SERPINB12: variants seen among roughly 807,000 people sequenced by gnomAD.
The protein encoded by SERPINB12 is serpin B12.
SERPINB12 carries 57 observed loss-of-function variants against 41.1 expected under a neutral mutation model. That is an observed-to-expected ratio of 1.39 (90% CI 1.12 to 1.73). The LOEUF is 1.73. Among genes scored for constraint, SERPINB12 ranks in the 40% most tolerant of loss-of-function variants. The pLI is 0.00. For synonymous variants in SERPINB12, 180 were observed against 181.3 expected (o/e 0.99, Z 0.06); for missense variants, 536 against 501.9 (o/e 1.07, Z -0.65).
the SERPINB12 span, among the ~76,000 whole-genome samples, chr18:63,520,510 A>G: frequency 6.6e-6 from 1 of 152,312 alleles, no homozygotes; most frequent in South Asian, 2.1e-4. Context: ...ATTGTCCTTC[A>G]TGCTGGCTGA....
the SERPINB12 span, among the ~76,000 whole-genome samples, chr18:63,525,959 A>G: frequency 6.6e-6 from 1 of 152,170 alleles, no homozygotes; most frequent in African/African-American, 2.4e-5. Context: ...TTTAAGCTGG[A>G]TTTATACTTT....
At chr18:63,541,009 CA>C (rs1279963147), upstream of SERPINB12, among the ~76,000 whole-genome samples, 5 of 152,236 alleles carry the variant, frequency 3.3e-5, no homozygotes, top group East Asian at 9.6e-4. Context: ...TTTACGTTTT[CA>C]GTATTTTTAA....
chr18:63,543,188 A>G (rs1468274675), intron 1 of SERPINB12, among the ~76,000 whole-genome samples: 1 of 152,180 alleles, frequency 6.6e-6, no homozygotes, highest in Non-Finnish European at 1.5e-5. Context: ...CCTGTTACAT[A>G]TCAGGTCCTT....
rs1911179048 is a variant in SERPINB12 at position 63,568,226 on chromosome 18, C to G, written c.*1215C>G. Among the ~76,000 whole-genome samples, 2 of 152,086 alleles carry G rather than the reference C, an allele frequency of 1.3e-5. No individual in the cohort carries two copies. Among genetic ancestry groups the G allele is most frequent in the African/African-American group, 4.8e-5 (2 of 41,418 alleles). On this transcript the variant is annotated 3_prime_UTR_variant, in exon 8 of 8. Coordinates refer to ENST00000382768, the MANE Select transcript of SERPINB12 (RefSeq NM_001307928.2). ...TGAGACCCTGACTCTACAAAAAATA[C>G]AGAAATTAGCCGGGCGTGGTGGTGT...
the SERPINB12 span, among the ~76,000 whole-genome samples, chr18:63,525,926 A>G: frequency 1.3e-5 from 2 of 152,196 alleles, no homozygotes; most frequent in African/African-American, 4.8e-5. Context: ...TTCATGAAAG[A>G]CTTACACAAA....
At chr18:63,561,004 TCTC>T in intron 4 of SERPINB12, 78 bp from the exon 5 acceptor site, 1 of 886,928 alleles carries the variant, frequency 1.1e-6, no homozygotes, top group Admixed American at 2.0e-5. Context: ...TTGGGAGACT[TCTC>T]AGGAGAGTCT....
intron 6 of SERPINB12, among the ~76,000 whole-genome samples, chr18:63,564,762 G>A (rs964300968): frequency 1.3e-5 from 2 of 152,178 alleles, no homozygotes; most frequent in Non-Finnish European, 2.9e-5. Context: ...GGCATGGGGT[G>A]GTATGAGGCC....
At chr18:63,549,289 G>A (rs1910464529) in intron 1 of SERPINB12, among the ~76,000 whole-genome samples, 1 of 152,068 alleles carries the variant, frequency 6.6e-6, no homozygotes, top group Non-Finnish European at 1.5e-5. Flanking sequence ...CTATTATTCT[G>A]CCATCTGTAT....
chr18:63,529,479 G>A, the SERPINB12 span, among the ~76,000 whole-genome samples: 3 of 152,256 alleles, frequency 2.0e-5, no homozygotes, highest in South Asian at 6.2e-4. Context: ...GTTTTGTCAG[G>A]GATTGGTACA....
chr18:63,526,389 C>T, the SERPINB12 span, among the ~76,000 whole-genome samples: 1 of 152,104 alleles, frequency 6.6e-6, no homozygotes, highest in Admixed American at 6.6e-5. Flanking sequence ...TTCACTGCAG[C>T]CTTGAATTAC....
At chr18:63,552,550 C>G (rs1910560430) in intron 1 of SERPINB12, among the ~76,000 whole-genome samples, 1 of 152,106 alleles carries the variant, frequency 6.6e-6, no homozygotes, top group Non-Finnish European at 1.5e-5. Context: ...TGAGTGCTTC[C>G]TACAAAATAC....
At chr18:63,559,014 C>CTTTT in intron 3 of SERPINB12, among the ~76,000 whole-genome samples, 1 of 58,842 alleles carries the variant, frequency 1.7e-5, no homozygotes, top group Middle Eastern at 0.01. Flanking sequence ...TTCTTTCTTT[C>CTTTT]TTTCTTTCTT....
At chr18:63,521,849 T>C in the SERPINB12 span, among the ~76,000 whole-genome samples, 1 of 152,170 alleles carries the variant, frequency 6.6e-6, no homozygotes, top group Non-Finnish European at 1.5e-5. Flanking sequence ...TAGTTTCAGC[T>C]ACAGGGCTTC....
chr18:63,536,285 T>C, the SERPINB12 span, among the ~76,000 whole-genome samples: 1 of 151,788 alleles, frequency 6.6e-6, no homozygotes, highest in Admixed American at 6.6e-5. Context: ...ATGACAAAAA[T>C]GGAAGAACAT....
chr18:63,566,887 C>G lies in SERPINB12; in HGVS notation c.1154C>G (p.Ala385Gly), dbSNP rs768211883. The change falls in exon 8 of 8, where the codon GCT becomes GGT. Residue 385 changes from alanine to glycine, a missense_variant. Transcript: ENST00000382768. ...NGTQAAAATG[A>G]VVSERSLRSW... ...ACCCAGGCAGCTGCAGCCACTGGGG[C>G]TGTTGTCTCGGAAAGGTCACTACGA... 1 of 1,614,190 alleles carries G rather than the reference C, an allele frequency of 6.2e-7. No individual in the cohort carries two copies. The highest frequency in any genetic ancestry group is 1.7e-5 in the Admixed American group (1 of 60,028).
intron 1 of SERPINB12, among the ~76,000 whole-genome samples, chr18:63,554,877 A>G (rs1178416102): frequency 6.6e-6 from 1 of 152,110 alleles, no homozygotes; most frequent in African/African-American, 2.4e-5. Flanking sequence ...TCATGGAGGA[A>G]GTTTCCCCCA....
intron 1 of SERPINB12, among the ~76,000 whole-genome samples, chr18:63,544,180 A>G (rs1309119350): frequency 6.6e-6 from 1 of 152,210 alleles, no homozygotes; most frequent in Non-Finnish European, 1.5e-5. Context: ...AGCCATAGAC[A>G]GTAATAAATG....
chr18:63,520,496 G>A, the SERPINB12 span, among the ~76,000 whole-genome samples: 1 of 152,336 alleles, frequency 6.6e-6, no homozygotes, highest in East Asian at 1.9e-4. Flanking sequence ...TCCACCCCCA[G>A]GAGATTGTCC....
intron 5 of SERPINB12, among the ~76,000 whole-genome samples, chr18:63,561,678 G>A (rs1157554118): frequency 6.6e-6 from 1 of 152,126 alleles, no homozygotes; most frequent in African/African-American, 2.4e-5. Flanking sequence ...AGAAAATGTG[G>A]TACATATACA....
Sources: gnomAD v4.1 joint callset for allele counts (sites outside exome capture counted in the v4.1 genomes callset) on GRCh38, gnomAD v4.1.1 for gene constraint, MANE v1.5 for transcripts, NCBI Gene and HGNC (gene_info 2026-07-23, HGNC 2026-07-21) for gene names.